GGT5: variants seen among roughly 807,000 people sequenced by gnomAD.
The protein encoded by GGT5 is glutathione hydrolase 5 proenzyme.
Under a neutral mutation model 58.1 loss-of-function variants are expected in GGT5, and 50 were observed. The observed-to-expected ratio is 0.86, with a 90% CI of 0.69 to 1.09. The LOEUF (loss-of-function observed/expected upper bound fraction) is 1.09. Among genes scored for constraint, GGT5 ranks in the 50% least tolerant of loss-of-function variants. The pLI is 0.00. For missense variants in GGT5, 800 were observed against 789.4 expected, an observed-to-expected ratio of 1.01 and a Z score of -0.16; for synonymous variants, 370 against 346.1, an observed-to-expected ratio of 1.07 and a Z score of -0.77.
intron 1 of GGT5, chr22:24,241,336 A>C (rs1245471799): frequency 6.6e-6 from 1 of 152,242 alleles, no homozygotes; most frequent in African/African-American, 2.4e-5. Flanking sequence ...TCTGTAGGGC[A>C]AGCCAGCAGG....
intron 3 of GGT5, 126 bp from the exon 4 acceptor site, chr22:24,233,144 C>T (rs1309798046): frequency 5.7e-6 from 4 of 703,474 alleles, no homozygotes; most frequent in East Asian, 2.9e-5. Context: ...CACCCGACCA[C>T]GTCCCTCCCT....
chr22:24,237,137 G>C (rs1161296906), intron 1 of GGT5, among the ~76,000 whole-genome samples: 1 of 151,118 alleles, frequency 6.6e-6, no homozygotes, highest in African/African-American at 2.4e-5. Flanking sequence ...TTGGCCTGAA[G>C]CAATCCTCCT....
intron 1 of GGT5, chr22:24,243,203 G>GT (rs1209990207): frequency 6.6e-6 from 1 of 152,196 alleles, no homozygotes; most frequent in Non-Finnish European, 1.5e-5. Flanking sequence ...GCAACTTCGA[G>GT]TTTAAGTGGG....
Position 24,245,051 on chromosome 22 carries a change from T to C in GGT5, c.-326A>G. The C allele has an allele frequency of 2.9e-6, 1 of 341,006 alleles. No individual in the cohort carries two copies. The highest frequency in any genetic ancestry group is 5.4e-6 in the Non-Finnish European group (1 of 184,220). The allele number at this position is 341,006 out of a possible 1,614,324, so 21.1% of individuals were successfully genotyped here. On this transcript the variant is annotated 5_prime_UTR_variant, in exon 1 of 12. Coordinates refer to ENST00000327365, the MANE Select transcript of GGT5 (RefSeq NM_004121.5). ...ATGGCTGGCAGCTGTGGCGAGCTGC[T>C]GCCCTCACCAAGTGCACACTACGGA...
At chr22:24,244,325 A>G (rs2048410315) in intron 1 of GGT5, 1 of 553,552 alleles carries the variant, frequency 1.8e-6, no homozygotes, top group South Asian at 2.2e-5. Flanking sequence ...ACCCACCCAC[A>G]CATACACATA....
chr22:24,226,599 G>A (rs764898124), intron 7 of GGT5, 32 bp downstream of exon 7: 4 of 1,610,758 alleles, frequency 2.5e-6, no homozygotes, highest in South Asian at 1.1e-5. Context: ...GAGGAGGACG[G>A]CCCACCAGCC....
At chr22:24,222,530 C>T (rs1234577151) in intron 11 of GGT5, among the ~76,000 whole-genome samples, 8 of 152,150 alleles carry the variant, frequency 5.3e-5, no homozygotes, top group Non-Finnish European at 1.0e-4. Context: ...AGTCCCTGGG[C>T]CTTAGCTGTG....
intron 6 of GGT5, among the ~76,000 whole-genome samples, chr22:24,229,492 G>C (rs886417913): frequency 2.0e-5 from 3 of 151,900 alleles, no homozygotes; most frequent in African/African-American, 7.3e-5. Context: ...TACACACTAG[G>C]AACAGTGTAC....
At position 24,219,980 on chromosome 22, in the gene GGT5, G is replaced by A. The variant is rs2047540205; in HGVS notation, c.1751C>T (p.Ala584Val). 4 of 1,614,100 alleles carry A rather than the reference G, an allele frequency of 2.5e-6. No individual in the cohort carries two copies. The highest frequency in any genetic ancestry group is 2.2e-5 in the East Asian group (1 of 44,878). ...GGGCAGAGCAGTGTCTTAGTAGCCT[G>A]CGGCCTCCCCACTCTTCCTCAGGTC... ...VSDLRKSGEA[A>V]GY The change falls in exon 12 of 12, where the codon GCA becomes GTA. Residue 584 changes from alanine to valine, a missense_variant. Ala to Val is a moderately conservative substitution (Grantham distance 64, BLOSUM62 0). Coordinates refer to ENST00000327365, the MANE Select transcript of GGT5 (RefSeq NM_004121.5).
rs1569371146 is a variant in GGT5 at position 24,238,782 on chromosome 22, ATATATTATATATTT to A, written c.174-4792_174-4779del. On this transcript the variant is annotated intron_variant, in intron 1 of 11. Transcript: ENST00000327365. ...TGGAATATATATATATATATATAAT[ATATATTATATATTT>A]ATATATATATAATATATTATATATA... Among the ~76,000 whole-genome samples the A allele has an allele frequency of 1.8e-3, 38 of 21,686 alleles. 1 individual carries two copies. Among genetic ancestry groups the A allele is most frequent in the African/African-American group, 9.3e-3 (34 of 3,652 alleles). 14.2% of individuals were successfully genotyped at this position (21,686 alleles called of 152,430 possible). A position where few individuals can be genotyped will look rare whatever the true frequency, so the allele number is the denominator to read the frequency against.
In GGT5 at chr22:24,225,433, G is replaced by A. The variant is rs374329258; in HGVS notation, c.1337-22C>T. 13 of 1,606,058 alleles carry A rather than the reference G, an allele frequency of 8.1e-6. No individual in the cohort carries two copies. The African/African-American group carries it at 1.6e-4, about 20-fold the overall frequency. Reference sequence around the variant, plus strand: ...CTCACTGCTGAGCAAACAGCGTCTTGGCAAGTGCAGTGACCCATCCAGGGG... The same window carrying A: ...CTCACTGCTGAGCAAACAGCGTCTTAGCAAGTGCAGTGACCCATCCAGGGG... On this transcript the variant is annotated intron_variant, in intron 9 of 11. Transcript: ENST00000327365.
intron 1 of GGT5, among the ~76,000 whole-genome samples, chr22:24,240,878 A>T (rs1227112986): frequency 6.6e-6 from 1 of 152,146 alleles, no homozygotes; most frequent in East Asian, 1.9e-4. Context: ...TTACTAGGAG[A>T]CGGGTGCAGT....
Position 24,225,318 on chromosome 22 carries a change from A to T in GGT5, c.1430T>A (p.Ile477Asn). ...SPSSMVPSILINKAQGSKLVI... is the reference protein window; with the variant it reads ...SPSSMVPSILNNKAQGSKLVI... ...TAGCTTCGACCCCTGGGCTTTGTTG[A>T]TCAAGATGGAGGGCACCATGGAGGA... The change falls in exon 10 of 12, where the codon ATC (isoleucine) becomes AAC (asparagine). Residue 477 changes from isoleucine to asparagine, a missense_variant. Coordinates refer to ENST00000327365, the MANE Select transcript of GGT5 (RefSeq NM_004121.5). 6.2e-7 allele frequency: 1 copy of T among 1,613,980 alleles called. No individual in the cohort carries two copies. Among genetic ancestry groups the T allele is most frequent in the Non-Finnish European group, 8.5e-7 (1 of 1,179,958 alleles).
chr22:24,238,897 A>AT (rs1556042770), intron 1 of GGT5, among the ~76,000 whole-genome samples: 2 of 12,518 alleles, frequency 1.6e-4, no homozygotes, highest in Non-Finnish European at 2.6e-4. Context: ...TATTTTATAT[A>AT]TATATATATT....
intron 1 of GGT5, among the ~76,000 whole-genome samples, chr22:24,238,907 T>A (rs866573338): frequency 0.045 from 607 of 13,494 alleles, 51 homozygotes; most frequent in Non-Finnish European, 0.061. Context: ...ATATATATAT[T>A]ATATATATTA....
rs527305529 is a variant in GGT5 at position 24,244,768 on chromosome 22, G to A, written c.-43C>T. 30 of 1,561,148 alleles carry A rather than the reference G, an allele frequency of 1.9e-5. No homozygotes were observed. The African/African-American group carries it at 2.6e-4, about 13-fold the overall frequency. On this transcript the variant is annotated 5_prime_UTR_variant, in exon 1 of 12. Transcript: ENST00000327365. ...GGAGAGGGGCGGCTGGTGGGCAGAC[G>A]GAGGGACGGATGGGTGGGCAGATGA...
At chr22:24,223,156 C>G (rs2047651539) in intron 11 of GGT5, among the ~76,000 whole-genome samples, 1 of 152,060 alleles carries the variant, frequency 6.6e-6, no homozygotes, top group South Asian at 2.1e-4. Context: ...AAGCCCAGCA[C>G]TTTGGGAGGC....
intron 6 of GGT5, among the ~76,000 whole-genome samples, chr22:24,227,917 T>G (rs1420455443): frequency 6.6e-6 from 1 of 151,274 alleles, no homozygotes; most frequent in Non-Finnish European, 1.5e-5. Context: ...GGCATGATGG[T>G]GGGTGCCTGT....
chr22:24,235,445 G>T (rs1289330292), intron 1 of GGT5, among the ~76,000 whole-genome samples: 3 of 151,482 alleles, frequency 2.0e-5, no homozygotes, highest in Non-Finnish European at 4.4e-5. Context: ...CACCCCGTGG[G>T]ACCTCTGGCC....
Sources: gnomAD v4.1 joint callset for allele counts (sites outside exome capture counted in the v4.1 genomes callset) on GRCh38, gnomAD v4.1.1 for gene constraint, MANE v1.5 for transcripts, NCBI Gene and HGNC (gene_info 2026-07-23, HGNC 2026-07-21) for gene names.